SPACA1: variants seen among roughly 807,000 people sequenced by gnomAD.
The protein encoded by SPACA1 is sperm acrosome associated 1, also known as sperm acrosome membrane-associated protein 1.
In SPACA1, 17 loss-of-function variants were observed where a neutral mutation model predicts 32.6. The ratio of observed to expected loss-of-function variants is 0.52; its 90% CI spans 0.36 to 0.78. The LOEUF (loss-of-function observed/expected upper bound fraction) is 0.78. SPACA1 is among the 30% of genes least tolerant of loss of function. SPACA1 has a pLI of 0.01. For missense variants in SPACA1, 363 were observed against 373.4 expected (o/e 0.97, Z 0.23); for synonymous variants, 140 against 138.1 (o/e 1.01, Z -0.10).
intron 3 of SPACA1, 80 bp downstream of exon 3, chr6:88,057,793 T>G: frequency 8.3e-7 from 1 of 1,201,122 alleles, no homozygotes. Context: ...AGGTTGCCAC[T>G]GAGTAGAAGG....
chr6:88,060,240 G>A (rs1317549892), intron 5 of SPACA1, among the ~76,000 whole-genome samples: 1 of 152,098 alleles, frequency 6.6e-6, no homozygotes, highest in Non-Finnish European at 1.5e-5. Context: ...TACATATCCA[G>A]GTAATTATTT....
upstream of SPACA1, chr6:88,047,828 C>T (rs952742957): frequency 2.9e-6 from 4 of 1,369,782 alleles, no homozygotes; most frequent in East Asian, 5.1e-5. Flanking sequence ...GGCGGGGTGT[C>T]GCAGCTCTCT....
chr6:88,058,697 G>A lies in SPACA1; in HGVS notation c.368-19G>A. On this transcript the variant is annotated intron_variant, in intron 3 of 6. Coordinates refer to ENST00000237201, the MANE Select transcript of SPACA1 (RefSeq NM_030960.3). ...ATTTATAATGCCCAATGGTATTTAT[G>A]TGCTTAATTTTTTTTCAGGGGGTAA... The A allele has an allele frequency of 6.4e-7, 1 of 1,558,262 alleles. No homozygotes were observed. Among genetic ancestry groups the A allele is most frequent in the South Asian group, 1.1e-5 (1 of 88,490 alleles).
At position 88,048,328 on chromosome 6, in the gene SPACA1, T is replaced by C. The variant is rs183323620; in HGVS notation, c.208+215T>C. The stretch of plus-strand genomic sequence containing the variant: ...ACAGCAAGATACACAGATAAGCACG[T>C]ATATAGAAATTGCTATAGAAACACT... On this transcript the variant is annotated intron_variant, in intron 1 of 6. Transcript: ENST00000237201. 6.6e-5 allele frequency among the ~76,000 whole-genome samples: 10 copies of C among 152,298 alleles called. No individual in the cohort carries two copies. The East Asian group carries it at 1.9e-3, about 29-fold the overall frequency.
rs142112136 is a variant in SPACA1, at chr6:88,056,331, G to A, written c.266-1281G>A. Among the ~76,000 whole-genome samples the A allele has an allele frequency of 4.0e-3, 616 of 152,282 alleles. 4 individuals carry two copies. The highest frequency in any genetic ancestry group is 0.011 in the African/African-American group (441 of 41,550). On this transcript the variant is annotated intron_variant, in intron 2 of 6. Transcript: ENST00000237201. ...ATCGCGCCACTGCACTCTAGCCTCT[G>A]CAACAGAGCAAGACTCCGTCTCAAA...
chr6:88,050,311 A>C (rs968140391), intron 1 of SPACA1, among the ~76,000 whole-genome samples: 2 of 152,204 alleles, frequency 1.3e-5, no homozygotes, highest in East Asian at 3.8e-4. Flanking sequence ...CATCCCCAGA[A>C]ATATAATGTT....
At chr6:88,065,776 T>C (rs1347188970) in intron 6 of SPACA1, among the ~76,000 whole-genome samples, 2 of 150,976 alleles carry the variant, frequency 1.3e-5, no homozygotes, top group Non-Finnish European at 3.0e-5. Flanking sequence ...CATGTAACCT[T>C]AGTGTAGATG....
chr6:88,055,959 A>G (rs2127799648), intron 2 of SPACA1, among the ~76,000 whole-genome samples: 1 of 151,926 alleles, frequency 6.6e-6, no homozygotes, highest in Middle Eastern at 3.4e-3. Context: ...ACAAAGCGAG[A>G]CTCCATCTCA....
At chr6:88,047,699 G>A (rs1285636758), upstream of SPACA1, 2 of 578,290 alleles carry the variant, frequency 3.5e-6, no homozygotes, top group East Asian at 3.0e-5. Context: ...GTCGCGTTCC[G>A]TCTTGCACGC....
At chr6:88,064,781 T>G (rs905433426) in intron 6 of SPACA1, among the ~76,000 whole-genome samples, 4 of 148,670 alleles carry the variant, frequency 2.7e-5, no homozygotes, top group Non-Finnish European at 4.5e-5. Context: ...TACATATATC[T>G]TCTATGTACA....
At chr6:88,062,136 T>C (rs967817536) in intron 5 of SPACA1, among the ~76,000 whole-genome samples, 3 of 152,242 alleles carry the variant, frequency 2.0e-5, no homozygotes, top group Admixed American at 6.5e-5. Context: ...TAAATATAGA[T>C]GTATTTTCTC....
chr6:88,048,905 A>G (rs747148424), intron 1 of SPACA1, among the ~76,000 whole-genome samples: 7 of 152,178 alleles, frequency 4.6e-5, no homozygotes, highest in Non-Finnish European at 8.8e-5. Context: ...CTTCTCAAGA[A>G]AGATTATTCC....
At chr6:88,065,905 T>C (rs945627030) in intron 6 of SPACA1, among the ~76,000 whole-genome samples, 35 of 152,010 alleles carry the variant, frequency 2.3e-4, no homozygotes, top group African/African-American at 7.9e-4. Flanking sequence ...AGTTCAGTAG[T>C]CATAAATACG....
intron 5 of SPACA1, among the ~76,000 whole-genome samples, chr6:88,060,109 T>G (rs2127800965): frequency 6.6e-6 from 1 of 152,348 alleles, no homozygotes. Context: ...AATACAGTTC[T>G]CAAAAATGTA....
At chr6:88,047,616 C>T (rs890844305), upstream of SPACA1, among the ~76,000 whole-genome samples, 2 of 152,244 alleles carry the variant, frequency 1.3e-5, no homozygotes, top group African/African-American at 2.4e-5. Flanking sequence ...CAAGGAGGCG[C>T]CCTGGGCAGG....
rs1034478413 is a variant in SPACA1, at chr6:88,047,897, C to T, written c.-9C>T. ...ACTGCGCCTCGGACGGCCGTCGGGG[C>T]CGAGAACCATGAGCCCCAGGGGCAC... On this transcript the variant is annotated 5_prime_UTR_variant, in exon 1 of 7. Coordinates refer to ENST00000237201, the MANE Select transcript of SPACA1 (RefSeq NM_030960.3). 2.6e-6 allele frequency: 4 copies of T among 1,538,960 alleles called. No individual in the cohort carries two copies. The highest frequency in any genetic ancestry group is 4.9e-5 in the East Asian group (2 of 41,084).
At chr6:88,047,052 C>G (rs10455479), upstream of SPACA1, among the ~76,000 whole-genome samples, 29,745 of 152,116 alleles carry the variant, frequency 0.2, 3,253 homozygotes, top group Middle Eastern at 0.3. Flanking sequence ...ATTGTGACTA[C>G]TAGATGAGGT....
chr6:88,057,081 T>C (rs771819801), intron 2 of SPACA1, among the ~76,000 whole-genome samples: 1 of 152,202 alleles, frequency 6.6e-6, no homozygotes, highest in Non-Finnish European at 1.5e-5. Context: ...TTGGGAAATA[T>C]TGTATACCAC....
intron 4 of SPACA1, among the ~76,000 whole-genome samples, chr6:88,059,128 A>G (rs886581831): frequency 6.6e-6 from 1 of 152,230 alleles, no homozygotes; most frequent in Admixed American, 6.5e-5. Context: ...AGTGGCTAAC[A>G]TTAATTAAGG....
Sources: gnomAD v4.1 joint callset for allele counts (sites outside exome capture counted in the v4.1 genomes callset) on GRCh38, gnomAD v4.1.1 for gene constraint, MANE v1.5 for transcripts, NCBI Gene and HGNC (gene_info 2026-07-23, HGNC 2026-07-21) for gene names.